PBX3: variants seen among roughly 807,000 people sequenced by gnomAD.
PBX3 encodes the protein pre-B-cell leukemia transcription factor 3.
PBX3 carries 14 observed loss-of-function variants against 48.5 expected under a neutral mutation model. The observed-to-expected ratio is 0.29, with a 90% CI of 0.19 to 0.45. The LOEUF (loss-of-function observed/expected upper bound fraction) is 0.45, where lower values mean the gene tolerates loss of function less well. Among genes scored for constraint, PBX3 ranks in the 20% least tolerant of loss-of-function variants. The pLI is 1.00. For synonymous variants in PBX3, 210 were observed against 200.3 expected, an observed-to-expected ratio of 1.05 and a Z score of -0.41; for missense variants, 386 against 546.7, an observed-to-expected ratio of 0.71 and a Z score of 2.93.
rs544325863 is a variant in PBX3 at position 125,913,875 on chromosome 9, C to G, written c.275-1811C>G. On this transcript the variant is annotated intron_variant, in intron 2 of 8. Coordinates refer to ENST00000373489, the MANE Select transcript of PBX3 (RefSeq NM_006195.6). Reference sequence around the variant, plus strand: ...TGAAAATGGAGAAACTTGAGAAGTCCTCAAACAAGAATAAAAAATTAAACA... The same window carrying G: ...TGAAAATGGAGAAACTTGAGAAGTCGTCAAACAAGAATAAAAAATTAAACA... Among the ~76,000 whole-genome samples, 90 of 152,138 alleles carry G rather than the reference C, an allele frequency of 5.9e-4. 1 individual carries two copies. Among genetic ancestry groups the G allele is most frequent in the African/African-American group, 2.1e-3 (86 of 41,510 alleles).
At chr9:125,799,275 G>T (rs771577416) in intron 2 of PBX3, among the ~76,000 whole-genome samples, 1 of 152,122 alleles carries the variant, frequency 6.6e-6, no homozygotes, top group East Asian at 1.9e-4. Context: ...GCACTTTGGG[G>T]GCCAAGGTGG....
chr9:125,754,864 A>G (rs1427884000), intron 2 of PBX3, among the ~76,000 whole-genome samples: 14 of 152,132 alleles, frequency 9.2e-5, no homozygotes, highest in African/African-American at 2.2e-4. Flanking sequence ...ACAGGTTAGT[A>G]TGAAAGCAAT....
intron 2 of PBX3, among the ~76,000 whole-genome samples, chr9:125,825,126 A>C (rs1371371824): frequency 6.6e-6 from 1 of 152,186 alleles, no homozygotes; most frequent in African/African-American, 2.4e-5. Flanking sequence ...TCTACAAGAA[A>C]TACAATAATT....
intron 2 of PBX3, among the ~76,000 whole-genome samples, chr9:125,843,416 G>A (rs1251514102): frequency 2.6e-5 from 4 of 151,960 alleles, no homozygotes; most frequent in Non-Finnish European, 5.9e-5. Flanking sequence ...TGGTCATATG[G>A]GGTATACGGA....
intron 2 of PBX3, among the ~76,000 whole-genome samples, chr9:125,755,540 CTAATGCCCTAGAAGTAT>C (rs1169557046): frequency 1.3e-5 from 2 of 152,066 alleles, no homozygotes; most frequent in African/African-American, 4.8e-5. Flanking sequence ...TTCCCCATTG[CTAATGCCCTAGAAGTAT>C]TAATTCACTT....
intron 2 of PBX3, among the ~76,000 whole-genome samples, chr9:125,869,870 A>G (rs1046526528): frequency 1.3e-5 from 2 of 152,130 alleles, no homozygotes; most frequent in African/African-American, 4.8e-5. Context: ...TTTTTGGTAA[A>G]ATTTGTGGAT....
chr9:125,962,627 A>C (rs1164538558), intron 7 of PBX3, among the ~76,000 whole-genome samples: 1 of 152,190 alleles, frequency 6.6e-6, no homozygotes, highest in Non-Finnish European at 1.5e-5. Flanking sequence ...CTCTTATTTG[A>C]GAACAGAACT....
At chr9:125,766,110 T>C (rs1836795186) in intron 2 of PBX3, among the ~76,000 whole-genome samples, 1 of 152,112 alleles carries the variant, frequency 6.6e-6, no homozygotes, top group Non-Finnish European at 1.5e-5. Flanking sequence ...GGACTATCTG[T>C]CATCTATTTT....
intron 2 of PBX3, among the ~76,000 whole-genome samples, chr9:125,891,970 G>A (rs1216966983): frequency 6.6e-6 from 1 of 152,098 alleles, no homozygotes; most frequent in Non-Finnish European, 1.5e-5. Flanking sequence ...CCCAAGGCTG[G>A]ATGCATTGGC....
At chr9:125,900,741 C>A (rs1174293025) in intron 2 of PBX3, among the ~76,000 whole-genome samples, 2 of 151,580 alleles carry the variant, frequency 1.3e-5, no homozygotes, top group Non-Finnish European at 3.0e-5. Context: ...TAACTTGATA[C>A]CTTTTAAACA....
intron 2 of PBX3, among the ~76,000 whole-genome samples, chr9:125,844,118 T>TA (rs2132237934): frequency 6.6e-6 from 1 of 152,248 alleles, no homozygotes; most frequent in East Asian, 1.9e-4. Flanking sequence ...TATCTTTTTC[T>TA]AAAATAGGTT....
At chr9:125,781,606 C>T (rs974866097) in intron 2 of PBX3, among the ~76,000 whole-genome samples, 1 of 150,600 alleles carries the variant, frequency 6.6e-6, no homozygotes, top group Non-Finnish European at 1.5e-5. Context: ...GAGGGAGAGG[C>T]AGAGGCAGAG....
At chr9:125,915,269 A>G (rs10987027) in intron 2 of PBX3, among the ~76,000 whole-genome samples, 9,753 of 152,216 alleles carry the variant, frequency 0.064, 724 homozygotes, top group East Asian at 0.17. Context: ...AGAGAGAGAC[A>G]GAATAACCAC....
chr9:125,947,966 C>T (rs1356706738), intron 5 of PBX3, among the ~76,000 whole-genome samples: 1 of 152,164 alleles, frequency 6.6e-6, no homozygotes, highest in Admixed American at 6.5e-5. Context: ...GAGATTTTCA[C>T]ACTTTTCTGT....
At chr9:125,835,201 ATC>A (rs914563573) in intron 2 of PBX3, among the ~76,000 whole-genome samples, 1 of 152,104 alleles carries the variant, frequency 6.6e-6, no homozygotes, top group Admixed American at 6.5e-5. Context: ...AGTTCTAGGC[ATC>A]TCATATGTAT....
At chr9:125,860,148 G>C (rs1014134091) in intron 2 of PBX3, among the ~76,000 whole-genome samples, 4 of 152,208 alleles carry the variant, frequency 2.6e-5, no homozygotes, top group Non-Finnish European at 4.4e-5. Flanking sequence ...AGTCACACAG[G>C]AATCCAGGCT....
chr9:125,919,474 G>A (rs1342621299), intron 3 of PBX3, among the ~76,000 whole-genome samples: 1 of 151,370 alleles, frequency 6.6e-6, no homozygotes, highest in Non-Finnish European at 1.5e-5. Flanking sequence ...CTCCCAAAGG[G>A]CCGGGATTAC....
intron 2 of PBX3, among the ~76,000 whole-genome samples, chr9:125,827,902 G>A (rs529097350): frequency 6.6e-6 from 1 of 152,242 alleles, no homozygotes; most frequent in South Asian, 2.1e-4. Flanking sequence ...GCTTTCCAAA[G>A]TGGTTGTACC....
intron 5 of PBX3, among the ~76,000 whole-genome samples, chr9:125,945,545 A>G (rs72752661): frequency 1.7e-4 from 26 of 152,302 alleles, no homozygotes; most frequent in Non-Finnish European, 3.2e-4. Context: ...TAACTGAACA[A>G]TGATTTGTTA....
Sources: allele counts gnomAD v4.1 joint callset (sites outside exome capture counted in the v4.1 genomes callset), GRCh38; gene constraint gnomAD v4.1.1; transcripts MANE v1.5; gene names NCBI Gene and HGNC (gene_info 2026-07-23, HGNC 2026-07-21).